ZMAT4: variants seen among roughly 807,000 people sequenced by gnomAD.
The protein encoded by ZMAT4 is zinc finger matrin-type protein 4.
ZMAT4 carries 17 observed loss-of-function variants against 28.7 expected under a neutral mutation model. The observed-to-expected ratio is 0.59, with a 90% CI of 0.41 to 0.89. ZMAT4 has a LOEUF of 0.89. Among genes scored for constraint, ZMAT4 ranks in the 40% least tolerant of loss-of-function variants. The probability of loss-of-function intolerance (pLI) is 0.00; values close to 1 mark genes in which losing one functional copy is unlikely to be tolerated. For synonymous variants in ZMAT4, 117 were observed against 109.2 expected, an observed-to-expected ratio of 1.07 and a Z score of -0.44; for missense variants, 240 against 283.8, an observed-to-expected ratio of 0.85 and a Z score of 1.11.
intron 3 of ZMAT4, among the ~76,000 whole-genome samples, chr8:40,739,754 C>G (rs1194685305): frequency 6.6e-6 from 1 of 152,024 alleles, no homozygotes; most frequent in Non-Finnish European, 1.5e-5. Flanking sequence ...GGTTTTAAGC[C>G]CAGCATGCAT....
At chr8:40,712,035 A>C (rs1172459124) in intron 3 of ZMAT4, among the ~76,000 whole-genome samples, 2 of 152,196 alleles carry the variant, frequency 1.3e-5, no homozygotes, top group African/African-American at 4.8e-5. Context: ...TGTCTCCCTA[A>C]CTATAACTTT....
chr8:40,807,872 C>G (rs1379355923), intron 2 of ZMAT4, among the ~76,000 whole-genome samples: 1 of 152,184 alleles, frequency 6.6e-6, no homozygotes, highest in Non-Finnish European at 1.5e-5. Context: ...CATTTAGGTT[C>G]TTAAAATACT....
intron 5 of ZMAT4, among the ~76,000 whole-genome samples, chr8:40,601,450 A>G (rs13248094): frequency 0.039 from 3,386 of 86,078 alleles, 88 homozygotes; most frequent in Middle Eastern, 0.06. Context: ...GGAAGGAAGG[A>G]AGGAAGGGAG....
At chr8:40,620,920 C>T (rs1806175488) in intron 5 of ZMAT4, among the ~76,000 whole-genome samples, 1 of 152,168 alleles carries the variant, frequency 6.6e-6, no homozygotes, top group Non-Finnish European at 1.5e-5. Flanking sequence ...GATTATATAT[C>T]CCCTACTGCT....
chr8:40,538,974 C>T (rs912414234), intron 6 of ZMAT4, among the ~76,000 whole-genome samples: 9 of 152,090 alleles, frequency 5.9e-5, no homozygotes, highest in Admixed American at 6.5e-5. Flanking sequence ...TTAGTACAGA[C>T]GGGGGTTCAC....
At chr8:40,569,211 C>A (rs981751094) in intron 6 of ZMAT4, among the ~76,000 whole-genome samples, 1 of 152,140 alleles carries the variant, frequency 6.6e-6, no homozygotes, top group African/African-American at 2.4e-5. Context: ...TTCAGGAACA[C>A]AATCAAGGAC....
intron 3 of ZMAT4, among the ~76,000 whole-genome samples, chr8:40,756,456 A>ATATATATATATATATATATATATT (rs1812695662): frequency 7.5e-6 from 1 of 133,344 alleles, no homozygotes; most frequent in African/African-American, 2.8e-5. Flanking sequence ...ATATATATAT[A>ATATATATATATATATATATATATT]TACACACTTG....
chr8:40,622,819 GT>G (rs2118696347), intron 5 of ZMAT4, among the ~76,000 whole-genome samples: 1 of 152,268 alleles, frequency 6.6e-6, no homozygotes, highest in South Asian at 2.1e-4. Flanking sequence ...CATGAAGAGA[GT>G]ACATGTCATT....
At chr8:40,825,486 G>A in intron 2 of ZMAT4, 89 bp downstream of exon 2, 3 of 1,128,130 alleles carry the variant, frequency 2.7e-6, no homozygotes, top group Non-Finnish European at 3.8e-6. Context: ...TGTGCCCCAA[G>A]TCCAGAAGGA....
In ZMAT4 at chr8:40,564,012, G is replaced by A. The variant is rs927707014; in HGVS notation, c.674+17153C>T. ...TCACTTTCTCATCCCAGGCTCCCTC[G>A]GATTGTCAGAGACCACACATCTAAT... On this transcript the variant is annotated intron_variant, in intron 6 of 6. Transcript: ENST00000297737. Among the ~76,000 whole-genome samples the A allele has an allele frequency of 3.9e-5, 6 of 151,968 alleles. 1 individual carries two copies. The South Asian group carries it at 6.2e-4, about 16-fold the overall frequency.
Position 40,787,266 on chromosome 8 carries a change from T to G in ZMAT4, c.103-19536A>C, listed in dbSNP as rs1364849548. On this transcript the variant is annotated intron_variant, in intron 2 of 6. Transcript: ENST00000297737. ...GGCAGTCTTCTTTTATAGAATAGGTTCCCAGACCCGCAGTGGGTGCCTGAA... is the reference window on the plus strand; with the variant it reads ...GGCAGTCTTCTTTTATAGAATAGGTGCCCAGACCCGCAGTGGGTGCCTGAA... 3.3e-5 allele frequency among the ~76,000 whole-genome samples: 5 copies of G among 152,292 alleles called. No homozygotes were observed. In the East Asian group the frequency reaches 9.7e-4, roughly 29 times the overall value.
At chr8:40,601,924 A>AAT (rs1805408915) in intron 5 of ZMAT4, among the ~76,000 whole-genome samples, 1 of 152,146 alleles carries the variant, frequency 6.6e-6, no homozygotes, top group Admixed American at 6.5e-5. Context: ...TGGTTACATG[A>AAT]ATAAATTCTT....
intron 6 of ZMAT4, among the ~76,000 whole-genome samples, chr8:40,533,589 G>A (rs1048219571): frequency 2.6e-5 from 4 of 152,100 alleles, no homozygotes. Context: ...TAGAAACACA[G>A]AGCATATGTT....
chr8:40,856,901 G>A (rs1366068707), intron 1 of ZMAT4, among the ~76,000 whole-genome samples: 11 of 152,190 alleles, frequency 7.2e-5, no homozygotes, highest in Admixed American at 6.5e-4. Flanking sequence ...GAAAGGGATT[G>A]CAAATGGGGA....
chr8:40,816,297 C>T lies in ZMAT4; in HGVS notation c.102+9278G>A, dbSNP rs561410815. Among the ~76,000 whole-genome samples, 4 of 152,258 alleles carry T rather than the reference C, an allele frequency of 2.6e-5. No individual in the cohort carries two copies. In the South Asian group the frequency reaches 6.2e-4, roughly 24 times the overall value. On this transcript the variant is annotated intron_variant, in intron 2 of 6. Coordinates refer to ENST00000297737, the MANE Select transcript of ZMAT4 (RefSeq NM_024645.3). ...AGTTGGATTTTGATACTCAGGGCAA[C>T]GTCAGAAGCCTCTGCCAGCCCGAGT...
At chr8:40,810,484 C>T (rs558315548) in intron 2 of ZMAT4, among the ~76,000 whole-genome samples, 187 of 152,102 alleles carry the variant, frequency 1.2e-3, no homozygotes, top group Admixed American at 3.6e-3. Flanking sequence ...AAGGAAAGAA[C>T]GAATTGTAAA....
chr8:40,880,476 T>C (rs570091055), intron 1 of ZMAT4, among the ~76,000 whole-genome samples: 9 of 152,330 alleles, frequency 5.9e-5, no homozygotes, highest in African/African-American at 2.2e-4. Flanking sequence ...AATGTCATCT[T>C]TAACCTTCAA....
intron 5 of ZMAT4, among the ~76,000 whole-genome samples, chr8:40,631,356 C>T (rs1282861832): frequency 6.6e-6 from 1 of 152,112 alleles, no homozygotes; most frequent in African/African-American, 2.4e-5. Context: ...TGGAATTTCA[C>T]CATGTTGGCC....
intron 3 of ZMAT4, among the ~76,000 whole-genome samples, chr8:40,704,470 C>G (rs938628577): frequency 6.6e-6 from 1 of 152,222 alleles, no homozygotes; most frequent in Admixed American, 6.5e-5. Flanking sequence ...TCATCCACAT[C>G]TTCCTTCCTG....
Sources: allele counts gnomAD v4.1 joint callset (sites outside exome capture counted in the v4.1 genomes callset), GRCh38; gene constraint gnomAD v4.1.1; transcripts MANE v1.5; gene names NCBI Gene and HGNC (gene_info 2026-07-23, HGNC 2026-07-21).